HRH1: variants seen among roughly 807,000 people sequenced by gnomAD.
HRH1 encodes histamine receptor H1.
In HRH1, 6 loss-of-function variants were observed where a neutral mutation model predicts 10.3. That is an observed-to-expected ratio of 0.58 (90% CI 0.32 to 1.15). The LOEUF (loss-of-function observed/expected upper bound fraction) is 1.15. Among genes scored for constraint, HRH1 ranks in the 50% most tolerant of loss-of-function variants. The probability of loss-of-function intolerance (pLI) is 0.05; values close to 1 mark genes in which losing one functional copy is unlikely to be tolerated. For synonymous variants in HRH1, 242 were observed against 236.7 expected (o/e 1.02, Z -0.21); for missense variants, 514 against 615.3 (o/e 0.84, Z 1.74).
chr3:11,244,524 G>A (rs1401540884), intron 1 of HRH1, among the ~76,000 whole-genome samples: 1 of 152,184 alleles, frequency 6.6e-6, no homozygotes, highest in Admixed American at 6.5e-5. Context: ...CCAAGAAATG[G>A]AAGAAAACAC....
rs141360278 is a variant in HRH1 at position 11,255,832 on chromosome 3, G to T, written c.-35-3171G>T. Among the ~76,000 whole-genome samples the T allele has an allele frequency of 2.8e-4, 42 of 152,288 alleles. No homozygotes were observed. The East Asian group carries it at 7.5e-3, about 27-fold the overall frequency. On this transcript the variant is annotated intron_variant, in intron 1 of 1. Transcript: ENST00000431010. ...TCTCAGTGAGCAGAGGTCTGACTTC[G>T]AACAGAATGGGAGGCGGGTTTGCCC...
At chr3:11,210,684 C>T (rs141195889) in intron 1 of HRH1, among the ~76,000 whole-genome samples, 79 of 150,714 alleles carry the variant, frequency 5.2e-4, no homozygotes, top group Middle Eastern at 3.5e-3. Context: ...TCCCAGCTAC[C>T]GGGGAGGCCA....
intron 1 of HRH1, among the ~76,000 whole-genome samples, chr3:11,190,977 G>T (rs1255446759): frequency 6.6e-6 from 1 of 152,132 alleles, no homozygotes; most frequent in East Asian, 1.9e-4. Flanking sequence ...CGAGGACAAG[G>T]TAGCAGGCCA....
upstream of HRH1, among the ~76,000 whole-genome samples, chr3:11,151,509 TG>T (rs754922516): frequency 2.0e-4 from 17 of 83,298 alleles, 1 homozygote; most frequent in Middle Eastern, 0.018. Context: ...GGGGGGGCGG[TG>T]GTGGTGGGTA....
chr3:11,206,815 C>G (rs988574536), intron 1 of HRH1, among the ~76,000 whole-genome samples: 1 of 152,226 alleles, frequency 6.6e-6, no homozygotes, highest in Non-Finnish European at 1.5e-5. Flanking sequence ...AAAGGAGATG[C>G]AGAGACCACC....
At chr3:11,256,209 G>A (rs1448270831) in intron 1 of HRH1, among the ~76,000 whole-genome samples, 3 of 152,040 alleles carry the variant, frequency 2.0e-5, no homozygotes, top group Non-Finnish European at 4.4e-5. Flanking sequence ...GTCAGAGGAG[G>A]CCCCATCAGC....
chr3:11,139,831 G>C (rs1936256959), intron 1 of HRH1, among the ~76,000 whole-genome samples: 1 of 152,062 alleles, frequency 6.6e-6, no homozygotes, highest in Non-Finnish European at 1.5e-5. Flanking sequence ...GATGGGGAAA[G>C]GGGGGGAATT....
chr3:11,198,637 C>A (rs566072494), intron 1 of HRH1, among the ~76,000 whole-genome samples: 1 of 150,308 alleles, frequency 6.7e-6, no homozygotes, highest in Non-Finnish European at 1.5e-5. Context: ...TTTGGGAGAC[C>A]AAGGCAGGAG....
At chr3:11,216,355 G>C (rs765420768) in intron 1 of HRH1, among the ~76,000 whole-genome samples, 1 of 152,156 alleles carries the variant, frequency 6.6e-6, no homozygotes, top group African/African-American at 2.4e-5. Flanking sequence ...CACAGCAGCC[G>C]AAGAGTGGAA....
At chr3:11,157,455 C>T (rs536231175) in intron 1 of HRH1, among the ~76,000 whole-genome samples, 1 of 152,284 alleles carries the variant, frequency 6.6e-6, no homozygotes, top group South Asian at 2.1e-4. Flanking sequence ...TCACCTGCTG[C>T]CCTCCCTTTC....
rs539267672 is a variant in HRH1 at position 11,138,235 on chromosome 3, G to T, written c.-36+836G>T. Among the ~76,000 whole-genome samples, 471 of 148,652 alleles carry T rather than the reference G, an allele frequency of 3.2e-3. 2 individuals are homozygous for T. The highest frequency in any genetic ancestry group is 5.0e-3 in the Non-Finnish European group (340 of 67,642). On this transcript the variant is annotated intron_variant, in intron 1 of 1. Coordinates refer to the HRH1 transcript ENST00000438284. Reference sequence around the variant, plus strand: ...GACGGGGTTTCACCGTGTTAGCCAGGATGGTCTCGATCTCCTGACCTTGTG... The same window carrying T: ...GACGGGGTTTCACCGTGTTAGCCAGTATGGTCTCGATCTCCTGACCTTGTG...
rs1939907904 is a variant in HRH1 at position 11,260,123 on chromosome 3, C to G, written c.1086C>G (p.Asp362Glu). 6.2e-7 allele frequency: 1 copy of G among 1,613,948 alleles called. No individual in the cohort carries two copies. Among genetic ancestry groups the G allele is most frequent in the African/African-American group, 1.3e-5 (1 of 74,896 alleles). Residue 362 changes from aspartate to glutamate, a missense_variant, in exon 2 of 2, where the codon GAC (aspartate) becomes GAG (glutamate). Coordinates refer to ENST00000431010, the MANE Select transcript of HRH1 (RefSeq NM_001098212.2). Reference sequence around the variant, plus strand: ...ATAGCCAATCCTTCTCTCGAACGGACTCAGATACCACCACAGAGACAGCAC... The same window carrying G: ...ATAGCCAATCCTTCTCTCGAACGGAGTCAGATACCACCACAGAGACAGCAC... ...LGDSQSFSRT[D>E]SDTTTETAPG...
chr3:11,253,729 C>T (rs569374010), intron 1 of HRH1, among the ~76,000 whole-genome samples: 1 of 152,296 alleles, frequency 6.6e-6, no homozygotes, highest in South Asian at 2.1e-4. Flanking sequence ...GCCGCTGGAA[C>T]GTTCTGACCG....
intron 1 of HRH1, among the ~76,000 whole-genome samples, chr3:11,234,753 T>C (rs1184949200): frequency 6.6e-6 from 1 of 152,204 alleles, no homozygotes; most frequent in Non-Finnish European, 1.5e-5. Flanking sequence ...ATGACCTCCC[T>C]CTCCTCAGGC....
intron 1 of HRH1, among the ~76,000 whole-genome samples, chr3:11,170,421 T>C (rs1336321503): frequency 6.6e-6 from 1 of 152,202 alleles, no homozygotes; most frequent in Non-Finnish European, 1.5e-5. Flanking sequence ...TTTGTGCACC[T>C]ACTGTGTGCC....
chr3:11,246,342 C>A (rs1297966138), intron 1 of HRH1, among the ~76,000 whole-genome samples: 1 of 152,198 alleles, frequency 6.6e-6, no homozygotes, highest in Admixed American at 6.5e-5. Flanking sequence ...CTCTGTCCAG[C>A]ACTGTTTCCA....
chr3:11,241,463 C>A (rs541877975), intron 1 of HRH1, among the ~76,000 whole-genome samples: 6 of 152,134 alleles, frequency 3.9e-5, no homozygotes, highest in African/African-American at 1.2e-4. Context: ...GATTGTAAAA[C>A]GCACCAATCA....
At chr3:11,243,948 A>G (rs1939413536) in intron 1 of HRH1, among the ~76,000 whole-genome samples, 1 of 152,218 alleles carries the variant, frequency 6.6e-6, no homozygotes, top group Non-Finnish European at 1.5e-5. Flanking sequence ...ATGCTAATTT[A>G]TCAACTCTTT....
upstream of HRH1, among the ~76,000 whole-genome samples, chr3:11,151,936 T>C (rs1188318653): frequency 1.3e-5 from 2 of 152,168 alleles, no homozygotes; most frequent in Non-Finnish European, 2.9e-5. Context: ...TTAATCTACT[T>C]ATTTCTTCTC....
Sources: allele counts gnomAD v4.1 joint callset (sites outside exome capture counted in the v4.1 genomes callset), GRCh38; gene constraint gnomAD v4.1.1; transcripts MANE v1.5; gene names NCBI Gene and HGNC (gene_info 2026-07-23, HGNC 2026-07-21).